The following TSPEAR variants were observed in gnomAD, a reference collection of about 807,000 sequenced individuals.
TSPEAR encodes thrombospondin type laminin G domain and EAR repeats.
A neutral mutation model predicts 71.6 loss-of-function variants in TSPEAR; 69 were observed. The observed-to-expected ratio is 0.96, with a 90% CI of 0.79 to 1.18. TSPEAR has a LOEUF of 1.18. TSPEAR is among the 50% of genes most tolerant of loss of function. The probability of loss-of-function intolerance (pLI) is 0.00; values close to 1 mark genes in which losing one functional copy is unlikely to be tolerated. For synonymous variants in TSPEAR, 402 were observed against 387.2 expected (o/e 1.04, Z -0.45); for missense variants, 971 against 894.9 (o/e 1.09, Z -1.09).
rs1415846165 is a variant in TSPEAR at position 44,711,242 on chromosome 21, C to A, written c.82+191G>T. ...GTTTCTATTGCAACTGCCTGCCCTG[C>A]GCTTTCATCTTCCCCACCTGTGCTC... On this transcript the variant is annotated intron_variant, in intron 1 of 11. Coordinates refer to ENST00000323084, the MANE Select transcript of TSPEAR (RefSeq NM_144991.3). This position sits in a 1 kb window ranked among gnomAD's most constrained non-coding sequence, Gnocchi z 4.5. Among the ~76,000 whole-genome samples, 2 of 152,104 alleles carry A rather than the reference C, an allele frequency of 1.3e-5. No homozygotes were observed. The highest frequency in any genetic ancestry group is 2.4e-5 in the African/African-American group (1 of 41,398).
intron 1 of TSPEAR, among the ~76,000 whole-genome samples, chr21:44,585,759 G>C (rs1045193494): frequency 2.6e-5 from 4 of 152,084 alleles, no homozygotes; most frequent in African/African-American, 9.7e-5. Flanking sequence ...CTCTCTTCTT[G>C]TTTCATGGAG....
intron 9 of TSPEAR, among the ~76,000 whole-genome samples, chr21:44,510,468 G>C (rs1176209918): frequency 2.0e-5 from 3 of 152,198 alleles, no homozygotes; most frequent in Non-Finnish European, 4.4e-5. Flanking sequence ...GCAAGGGCCC[G>C]GCTCAGACGC....
At chr21:44,618,015 GAGCGGGGAACTGTA>G (rs1982218122) in intron 1 of TSPEAR, among the ~76,000 whole-genome samples, 1 of 152,168 alleles carries the variant, frequency 6.6e-6, no homozygotes, top group African/African-American at 2.4e-5. Context: ...GGAAATGGTG[GAGCGGGGAACTGTA>G]AGGGCCTGTC....
chr21:44,595,657 C>T (rs114354098), intron 1 of TSPEAR, among the ~76,000 whole-genome samples: 1 of 152,130 alleles, frequency 6.6e-6, no homozygotes, highest in Non-Finnish European at 1.5e-5. Context: ...GAGGAACGTG[C>T]GGCACTGAGG....
At chr21:44,539,042 G>GCC (rs2145999797) in intron 2 of TSPEAR, 1 of 596,658 alleles carries the variant, frequency 1.7e-6, no homozygotes, top group Non-Finnish European at 2.9e-6. Flanking sequence ...TCAAGTCGAG[G>GCC]CCAAGTGACC....
intron 1 of TSPEAR, chr21:44,666,775 C>G: frequency 8.1e-6 from 13 of 1,612,220 alleles, no homozygotes; most frequent in Non-Finnish European, 1.1e-5. Flanking sequence ...TGGCAGCCCA[C>G]AGGCACACAG....
chr21:44,518,376 T>G (rs1470351105), intron 9 of TSPEAR: 1 of 437,234 alleles, frequency 2.3e-6, no homozygotes, highest in Non-Finnish European at 4.6e-6. Flanking sequence ...CTTGGTGCAG[T>G]GTCGTGAAGA....
At position 44,533,912 on chromosome 21, in the gene TSPEAR, G is replaced by A; in HGVS notation, c.315C>T (p.Tyr105=). ...TCTCCTCTGCCACCACCGTCAGCAGGTACTCGTTCCTCTGTGGAGAGCGGG... is the reference window on the plus strand; with the variant it reads ...TCTCCTCTGCCACCACCGTCAGCAGATACTCGTTCCTCTGTGGAGAGCGGG... ...VPNLPPKRNE[Y]LLTVVAEESD... is the part of the protein sequence containing the mutation. Residue 105 remains tyrosine (Y), a synonymous_variant, in exon 3 of 12, where the codon TAC becomes TAT. Transcript: ENST00000323084. 6.2e-7 allele frequency: 1 copy of A among 1,610,052 alleles called. No homozygotes were observed. The highest frequency in any genetic ancestry group is 8.5e-7 in the Non-Finnish European group (1 of 1,178,680).
At chr21:44,508,919 G>C in intron 10 of TSPEAR, 1 of 1,506,162 alleles carries the variant, frequency 6.6e-7, no homozygotes, top group Non-Finnish European at 9.0e-7. Context: ...CCACTGCTCG[G>C]ATGAAAGGAG....
At chr21:44,532,869 G>C (rs1555915901) in intron 3 of TSPEAR, among the ~76,000 whole-genome samples, 1 of 152,210 alleles carries the variant, frequency 6.6e-6, no homozygotes. Flanking sequence ...GGATAATCTT[G>C]TACTCATTTG....
chr21:44,665,730 T>C (rs1353708715), intron 1 of TSPEAR, among the ~76,000 whole-genome samples: 1 of 152,198 alleles, frequency 6.6e-6, no homozygotes. Context: ...TCCTCAGTAA[T>C]TGATCATCAG....
At chr21:44,500,005 A>C (rs1007539442) in intron 11 of TSPEAR, 69 bp from the exon 12 acceptor site, 4 of 1,482,924 alleles carry the variant, frequency 2.7e-6, no homozygotes, top group Non-Finnish European at 3.6e-6. Context: ...CCCGGCTCCC[A>C]CCCGCGCTGT....
At chr21:44,508,745 G>GTGTT in intron 10 of TSPEAR, 1 of 1,265,630 alleles carries the variant, frequency 7.9e-7, no homozygotes, top group East Asian at 5.7e-5. Flanking sequence ...CCGTGTCCTG[G>GTGTT]TGTTTGTTGT....
chr21:44,669,006 A>G (rs1344153169), intron 1 of TSPEAR, among the ~76,000 whole-genome samples: 1 of 152,156 alleles, frequency 6.6e-6, no homozygotes, highest in Non-Finnish European at 1.5e-5. Flanking sequence ...GTAAATATAG[A>G]ATGAGATTGA....
chr21:44,702,133 A>T, intron 1 of TSPEAR: 1 of 1,193,890 alleles, frequency 8.4e-7, no homozygotes, highest in Non-Finnish European at 1.2e-6. Context: ...CGTCCACATG[A>T]GCACAGGGGT....
At chr21:44,534,419 T>C (rs1284051319) in intron 2 of TSPEAR, among the ~76,000 whole-genome samples, 2 of 53,582 alleles carry the variant, frequency 3.7e-5, no homozygotes, top group Non-Finnish European at 7.1e-5. Context: ...GCGGGGCTGG[T>C]GTGTGAGGGG....
At chr21:44,558,720 G>A (rs1555920519) in intron 2 of TSPEAR, 1 of 1,587,938 alleles carries the variant, frequency 6.3e-7, no homozygotes, top group Non-Finnish European at 8.6e-7. Context: ...GGCCATGCTG[G>A]GGTGGGGAGG....
rs112551632 is a variant in TSPEAR, at chr21:44,509,398, G to A, written c.1567-12C>T. 9.3e-6 allele frequency: 15 copies of A among 1,610,790 alleles called. 1 individual carries two copies. In the African/African-American group the frequency reaches 1.1e-4, roughly 11 times the overall value. On this transcript the variant is annotated splice_polypyrimidine_tract_variant and intron_variant, in intron 9 of 11. Coordinates refer to ENST00000323084, the MANE Select transcript of TSPEAR (RefSeq NM_144991.3). ...GCAGCACCGAACGTCTAGGACCAAA[G>A]GAGAGCAGGTGCAGAGGTGTGGGGG...
chr21:44,672,549 G>C lies in TSPEAR; in HGVS notation c.82+38884C>G, dbSNP rs587625572. ...GGCGCCACTGCACTGCAGGCTGGGC[G>C]ATAGAGCAAAACTCCGTCTCAAAAC... On this transcript the variant is annotated intron_variant, in intron 1 of 11. Transcript: ENST00000323084. Among the ~76,000 whole-genome samples, 10 of 150,062 alleles carry C rather than the reference G, an allele frequency of 6.7e-5. No individual in the cohort carries two copies. In the South Asian group the frequency reaches 2.1e-3, roughly 32 times the overall value.
Sources: gnomAD v4.1 joint callset for allele counts (sites outside exome capture counted in the v4.1 genomes callset) on GRCh38, gnomAD v4.1.1 for gene constraint, Gnocchi (gnomAD v3.1) non-coding constraint, MANE v1.5 for transcripts, NCBI Gene and HGNC (gene_info 2026-07-23, HGNC 2026-07-21) for gene names.